GPATCH2: variants seen among roughly 807,000 people sequenced by gnomAD.
GPATCH2 encodes the protein G patch domain-containing protein 2.
A neutral mutation model predicts 58.0 loss-of-function variants in GPATCH2; 51 were observed. The ratio of observed to expected loss-of-function variants is 0.88; its 90% CI spans 0.70 to 1.11. The LOEUF (loss-of-function observed/expected upper bound fraction) is 1.11. GPATCH2 is among the 50% of genes most tolerant of loss of function. The pLI is 0.00. For missense variants in GPATCH2, 625 were observed against 652.2 expected, an observed-to-expected ratio of 0.96 and a Z score of 0.45; for synonymous variants, 222 against 218.5, an observed-to-expected ratio of 1.02 and a Z score of -0.14.
At chr1:217,608,525 A>G (rs548815777) in intron 5 of GPATCH2, 1 of 984,830 alleles carries the variant, frequency 1.0e-6, no homozygotes, top group East Asian at 1.1e-4. Flanking sequence ...AAAATACCAC[A>G]GTGAGATTGC....
chr1:217,570,715 AG>A (rs1241543974), intron 5 of GPATCH2, among the ~76,000 whole-genome samples: 1 of 152,228 alleles, frequency 6.6e-6, no homozygotes, highest in Non-Finnish European at 1.5e-5. Flanking sequence ...ATGAAGACCT[AG>A]GAACAGAGAC....
At chr1:217,583,100 T>G (rs1433255279) in intron 5 of GPATCH2, among the ~76,000 whole-genome samples, 1 of 151,920 alleles carries the variant, frequency 6.6e-6, no homozygotes, top group African/African-American at 2.4e-5. Context: ...ACTAACAGAA[T>G]AGATTAAACA....
intron 9 of GPATCH2, among the ~76,000 whole-genome samples, chr1:217,440,434 C>T (rs1368047639): frequency 1.3e-5 from 2 of 152,142 alleles, no homozygotes; most frequent in African/African-American, 4.8e-5. Context: ...TGGAAGCATT[C>T]CCTTTGAAAA....
At chr1:217,448,334 A>G (rs1490939686) in intron 9 of GPATCH2, among the ~76,000 whole-genome samples, 1 of 152,200 alleles carries the variant, frequency 6.6e-6, no homozygotes, top group African/African-American at 2.4e-5. Flanking sequence ...GTATGGTTAA[A>G]GATCCCAGAC....
At position 217,619,948 on chromosome 1, in the gene GPATCH2, T is replaced by G. The variant is rs1669099998; in HGVS notation, c.608A>C (p.Glu203Ala). 1.2e-6 allele frequency: 2 copies of G among 1,614,080 alleles called. No homozygotes were observed. The highest frequency in any genetic ancestry group is 1.7e-6 in the Non-Finnish European group (2 of 1,180,002). Reference protein sequence around the residue: ...MDSDRAYQYQEFTKNKVKKRK... With the variant: ...MDSDRAYQYQAFTKNKVKKRK... ...TTTTTTGACTTTGTTCTTGGTAAAT[T>G]CTTGATACTGGTAGGCTCTATCACT... Residue 203 changes from glutamate to alanine, a missense_variant, in exon 2 of 10, where the codon GAA (glutamate) becomes GCA (alanine). Physicochemically the swap from Glu to Ala is moderately radical, Grantham distance 107. Coordinates refer to ENST00000366935, the MANE Select transcript of GPATCH2 (RefSeq NM_018040.5).
intron 1 of GPATCH2, among the ~76,000 whole-genome samples, chr1:217,621,988 C>T (rs1056092820): frequency 7.2e-5 from 11 of 152,150 alleles, no homozygotes; most frequent in East Asian, 1.9e-4. Flanking sequence ...CAATGTGATG[C>T]GTCTAAGTAG....
chr1:217,584,344 A>AAAAAAAAAAAAAAAATATATAT (rs1463910405), intron 5 of GPATCH2, among the ~76,000 whole-genome samples: 83 of 101,686 alleles, frequency 8.2e-4, no homozygotes, highest in South Asian at 1.4e-3. Context: ...AAAAAAAAAA[A>AAAAAAAAAAAAAAAATATATAT]ATATATATAT....
At chr1:217,609,981 C>T (rs1668547160) in intron 5 of GPATCH2, 1 of 1,351,246 alleles carries the variant, frequency 7.4e-7, no homozygotes, top group African/African-American at 1.5e-5. Flanking sequence ...CAGTCAGGTT[C>T]ACTTCTGACT....
intron 8 of GPATCH2, among the ~76,000 whole-genome samples, chr1:217,488,055 T>TAA (rs575478374): frequency 1.4e-5 from 2 of 148,000 alleles, no homozygotes; most frequent in East Asian, 2.0e-4. Context: ...CTGTAACCTT[T>TAA]AAAAAAAAAA....
chr1:217,442,543 T>C (rs1659194137), intron 9 of GPATCH2, among the ~76,000 whole-genome samples: 1 of 152,182 alleles, frequency 6.6e-6, no homozygotes, highest in Non-Finnish European at 1.5e-5. Flanking sequence ...TCTTTTGCCA[T>C]ATTTCCCCAA....
At position 217,505,380 on chromosome 1, in the gene GPATCH2, T is replaced by A. The variant is rs573940218; in HGVS notation, c.1167-6985A>T. 1.1e-4 allele frequency among the ~76,000 whole-genome samples: 16 copies of A among 148,850 alleles called. No homozygotes were observed. The South Asian group carries it at 1.5e-3, about 14-fold the overall frequency. ...TGTGGAGTAGAAATAATTTTTTTTT[T>A]AAGAATGACTGGAAAATAAACCTTT... On this transcript the variant is annotated intron_variant, in intron 6 of 9. Coordinates refer to ENST00000366935, the MANE Select transcript of GPATCH2 (RefSeq NM_018040.5).
chr1:217,617,933 C>T (rs1338877288), intron 2 of GPATCH2, among the ~76,000 whole-genome samples: 1 of 151,606 alleles, frequency 6.6e-6, no homozygotes, highest in Non-Finnish European at 1.5e-5. Context: ...GTTACATGTC[C>T]TATAAAAAAG....
rs1339701253 is a variant in GPATCH2 at position 217,433,370 on chromosome 1, ATATATATATATATATTTATTTATTTATT to A, written c.1367-2033_1367-2006del. ...TGTTCTTTAAGCTGTTCATATATAT[ATATATATATATATATTTATTTATTTATT>A]TATTTATTTATTTATTTTGGCAGAG... On this transcript the variant is annotated intron_variant, in intron 9 of 9. Coordinates refer to ENST00000366935, the MANE Select transcript of GPATCH2 (RefSeq NM_018040.5). Among the ~76,000 whole-genome samples, 162 of 81,794 alleles carry A rather than the reference ATATATATATATATATTTATTTATTTATT, an allele frequency of 2.0e-3. 7 individuals carry two copies. The highest frequency in any genetic ancestry group is 0.011 in the African/African-American group (149 of 13,762). The allele number at this position is 81,794 out of a possible 152,430, so 53.7% of individuals were successfully genotyped here.
intron 5 of GPATCH2, among the ~76,000 whole-genome samples, chr1:217,564,965 T>A (rs1361874131): frequency 2.0e-5 from 3 of 151,852 alleles, no homozygotes; most frequent in South Asian, 4.1e-4. Context: ...AAACTAGACA[T>A]CATTGAGGAG....
chr1:217,523,625 T>G (rs1571856102), intron 5 of GPATCH2, among the ~76,000 whole-genome samples: 1 of 151,184 alleles, frequency 6.6e-6, no homozygotes, highest in Admixed American at 6.6e-5. Flanking sequence ...TCCCCACCTT[T>G]CCCCCCTTTC....
intron 9 of GPATCH2, among the ~76,000 whole-genome samples, chr1:217,437,342 T>C (rs529498322): frequency 3.4e-4 from 52 of 152,228 alleles, no homozygotes; most frequent in East Asian, 9.7e-4. Context: ...CAGGAGCTTT[T>C]TTTCATACCC....
chr1:217,430,933 AAAATT>A lies in GPATCH2; in HGVS notation c.*207_*211del, dbSNP rs1213334185. 2 of 573,408 alleles carry A rather than the reference AAAATT, an allele frequency of 3.5e-6. No individual in the cohort carries two copies. Among genetic ancestry groups the A allele is most frequent in the Non-Finnish European group, 6.2e-6 (2 of 323,238 alleles). The allele number at this position is 573,408 out of a possible 1,614,324, so 35.5% of individuals were successfully genotyped here. ...TAGAAATAGCTGGAAATTACTGAAA[AAAATT>A]AAAGTGCAGAGGTTTTCATTTTAGC... On this transcript the variant is annotated 3_prime_UTR_variant, in exon 10 of 10. Transcript: ENST00000366935.
chr1:217,616,311 C>A (rs887918228), intron 2 of GPATCH2, among the ~76,000 whole-genome samples: 12 of 152,236 alleles, frequency 7.9e-5, no homozygotes, highest in African/African-American at 2.4e-4. Flanking sequence ...TACTTCAAAA[C>A]TTGTTGAATT....
intron 5 of GPATCH2, among the ~76,000 whole-genome samples, chr1:217,560,584 G>A (rs1558484619): frequency 6.6e-6 from 1 of 152,180 alleles, no homozygotes; most frequent in Non-Finnish European, 1.5e-5. Context: ...AAGTGAATAT[G>A]CAAACTTCAA....
Sources: allele counts gnomAD v4.1 joint callset (sites outside exome capture counted in the v4.1 genomes callset), GRCh38; gene constraint gnomAD v4.1.1; transcripts MANE v1.5; gene names NCBI Gene and HGNC (gene_info 2026-07-23, HGNC 2026-07-21).